The following GRIN2B variants were observed in gnomAD, a reference collection of about 807,000 sequenced individuals.
The protein encoded by GRIN2B is glutamate receptor ionotropic, NMDA 2B.
GRIN2B carries 5 observed loss-of-function variants against 114.5 expected under a neutral mutation model. The ratio of observed to expected loss-of-function variants is 0.04; its 90% CI spans 0.02 to 0.09. The LOEUF (loss-of-function observed/expected upper bound fraction) is 0.09. Among genes scored for constraint, GRIN2B ranks in the 10% least tolerant of loss-of-function variants. The pLI is 1.00. For missense variants in GRIN2B, 1,108 were observed against 1,943.5 expected (o/e 0.57, Z 8.08); for synonymous variants, 787 against 745.1 (o/e 1.06, Z -0.92).
At chr12:13,706,589 A>G (rs1160605787) in intron 4 of GRIN2B, among the ~76,000 whole-genome samples, 2 of 152,004 alleles carry the variant, frequency 1.3e-5, no homozygotes, top group Admixed American at 1.3e-4. Context: ...TTAATCTCAC[A>G]CATTTCCTCC....
chr12:13,812,925 T>C (rs951593082), intron 3 of GRIN2B, among the ~76,000 whole-genome samples: 8 of 145,386 alleles, frequency 5.5e-5, no homozygotes, highest in African/African-American at 2.1e-4. Context: ...TGGGAAGTTT[T>C]GGGAATTTTT....
At chr12:13,676,361 T>A (rs895741665) in intron 4 of GRIN2B, among the ~76,000 whole-genome samples, 1 of 152,164 alleles carries the variant, frequency 6.6e-6, no homozygotes, top group Non-Finnish European at 1.5e-5. Flanking sequence ...AAAATAAAAA[T>A]TTTTAAAAAG....
chr12:13,835,997 C>T (rs998662345), intron 3 of GRIN2B, among the ~76,000 whole-genome samples: 2 of 152,240 alleles, frequency 1.3e-5, no homozygotes, highest in South Asian at 2.1e-4. Context: ...GAGGGAGAGG[C>T]TGCCCAAGGC....
intron 3 of GRIN2B, among the ~76,000 whole-genome samples, chr12:13,855,859 T>C (rs1327567203): frequency 1.3e-5 from 2 of 152,210 alleles, no homozygotes; most frequent in African/African-American, 2.4e-5. Context: ...GTGCAGTGTG[T>C]ATAGAGTGCA....
chr12:13,720,307 C>T (rs1423825554), intron 4 of GRIN2B, among the ~76,000 whole-genome samples: 1 of 151,920 alleles, frequency 6.6e-6, no homozygotes, highest in Non-Finnish European at 1.5e-5. Context: ...CATGCCCTTT[C>T]TAGCATTGTG....
chr12:13,881,013 T>TGC (rs796814033), intron 2 of GRIN2B, among the ~76,000 whole-genome samples: 23 of 120,362 alleles, frequency 1.9e-4, no homozygotes, highest in East Asian at 1.4e-3. Context: ...TGTGTGTGTG[T>TGC]GCGCGTGCGC....
At chr12:13,869,489 G>A (rs1345189778) in intron 2 of GRIN2B, among the ~76,000 whole-genome samples, 1 of 151,976 alleles carries the variant, frequency 6.6e-6, no homozygotes, top group East Asian at 1.9e-4. Context: ...TTTTTGACCT[G>A]CTAGTCAAAT....
chr12:13,786,284 A>C (rs1002704434), intron 3 of GRIN2B, among the ~76,000 whole-genome samples: 7 of 152,216 alleles, frequency 4.6e-5, no homozygotes, highest in African/African-American at 1.7e-4. Flanking sequence ...TTGGGGTTTA[A>C]TTTGATTCAA....
chr12:13,768,258 C>T (rs79602170), intron 3 of GRIN2B, among the ~76,000 whole-genome samples: 66 of 152,246 alleles, frequency 4.3e-4, no homozygotes, highest in African/African-American at 1.4e-3. Context: ...GGTACCTGGC[C>T]GAAGCAGACC....
chr12:13,643,550 G>A (rs1240572651), intron 5 of GRIN2B, among the ~76,000 whole-genome samples: 3 of 151,994 alleles, frequency 2.0e-5, no homozygotes, highest in African/African-American at 4.8e-5. Flanking sequence ...TGACTATGGC[G>A]ATTTCTTAAA....
chr12:13,723,744 T>C (rs1369878489), intron 4 of GRIN2B, among the ~76,000 whole-genome samples: 4 of 152,130 alleles, frequency 2.6e-5, no homozygotes, highest in African/African-American at 7.2e-5. Context: ...TATTGGGTTA[T>C]GTGGTGGCTC....
At chr12:13,650,105 G>T (rs1949799895) in intron 5 of GRIN2B, among the ~76,000 whole-genome samples, 1 of 152,002 alleles carries the variant, frequency 6.6e-6, no homozygotes, top group Non-Finnish European at 1.5e-5. Context: ...GCAGAAAGAG[G>T]AAGAAATCTC....
At chr12:13,628,121 G>A (rs1949586648) in intron 5 of GRIN2B, among the ~76,000 whole-genome samples, 1 of 152,208 alleles carries the variant, frequency 6.6e-6, no homozygotes, top group Non-Finnish European at 1.5e-5. Flanking sequence ...TATCAGGCAT[G>A]TCATAATAAT....
intron 5 of GRIN2B, among the ~76,000 whole-genome samples, chr12:13,672,946 G>T (rs1337385037): frequency 6.6e-6 from 1 of 152,146 alleles, no homozygotes; most frequent in Non-Finnish European, 1.5e-5. Context: ...ATTATGTAAT[G>T]ATTCTCATAC....
intron 2 of GRIN2B, among the ~76,000 whole-genome samples, chr12:13,900,546 A>G (rs1158055623): frequency 6.6e-6 from 1 of 152,106 alleles, no homozygotes. Flanking sequence ...TTCCATAACT[A>G]TCACCCAGAT....
At position 13,554,662 on chromosome 12, in the gene GRIN2B, A is replaced by T. The variant is rs1193351305; in HGVS notation, c.*8121T>A. 1 of 152,210 alleles carries T rather than the reference A, an allele frequency of 6.6e-6. No individual in the cohort carries two copies. Among genetic ancestry groups the T allele is most frequent in the Non-Finnish European group, 1.5e-5 (1 of 68,032 alleles). 9.4% of individuals were successfully genotyped at this position (152,210 alleles called of 1,614,324 possible). On this transcript the variant is annotated 3_prime_UTR_variant, in exon 14 of 14. Transcript: ENST00000609686. ...TATATGTAGGAAGTGAGTACTGACA[A>T]GAGTAGATTCAAATATAAAATATTG... is the stretch of plus-strand genomic sequence containing the variant.
rs1565477903 is a variant in GRIN2B at position 13,615,778 on chromosome 12, C to T, written c.1329-114G>A. ...CCAATCCCAAAGCAGGCCCCCTTCA[C>T]AGCTCAGCACAATTTATACTAGACT... is the stretch of plus-strand genomic sequence containing the variant. On this transcript the variant is annotated intron_variant, in intron 6 of 13. Coordinates refer to ENST00000609686, the MANE Select transcript of GRIN2B (RefSeq NM_000834.5). This position sits in a 1 kb window ranked among gnomAD's most constrained non-coding sequence, Gnocchi z 5.8. 2.4e-6 allele frequency: 2 copies of T among 819,004 alleles called. No individual in the cohort carries two copies. Among genetic ancestry groups the T allele is most frequent in the South Asian group, 1.4e-5 (1 of 73,542 alleles). 50.7% of individuals were successfully genotyped at this position (819,004 alleles called of 1,614,324 possible).
At chr12:13,745,291 TC>T (rs1166447108) in intron 4 of GRIN2B, among the ~76,000 whole-genome samples, 1 of 151,984 alleles carries the variant, frequency 6.6e-6, no homozygotes, top group East Asian at 1.9e-4. Flanking sequence ...GCAGCCTTTA[TC>T]CTCTGGTGGG....
At chr12:13,739,374 C>CAAAAAA (rs34320563) in intron 4 of GRIN2B, among the ~76,000 whole-genome samples, 38 of 59,358 alleles carry the variant, frequency 6.4e-4, no homozygotes, top group Admixed American at 8.2e-4. Flanking sequence ...AACTCCGTCT[C>CAAAAAA]AAAAAAAAAA....
Sources: allele counts gnomAD v4.1 joint callset (sites outside exome capture counted in the v4.1 genomes callset), GRCh38; gene constraint gnomAD v4.1.1; non-coding constraint Gnocchi (gnomAD v3.1); transcripts MANE v1.5; gene names NCBI Gene and HGNC (gene_info 2026-07-23, HGNC 2026-07-21).